Variants in EPHA6 observed in about 807,000 individuals in gnomAD.
EPHA6 encodes EPH receptor A6.
Under a neutral mutation model 112.0 loss-of-function variants are expected in EPHA6, and 50 were observed. The observed-to-expected ratio is 0.45, with a 90% confidence interval of 0.36 to 0.56. The LOEUF (loss-of-function observed/expected upper bound fraction) is 0.56. Ranked by LOEUF, EPHA6 falls within the 20% of genes least tolerant of loss-of-function variation. EPHA6 has a pLI of 0.00. For synonymous variants in EPHA6, 529 were observed against 490.7 expected, an observed-to-expected ratio of 1.08 and a Z score of -1.03; for missense variants, 1,280 against 1,417.4, an observed-to-expected ratio of 0.90 and a Z score of 1.56.
chr3:96,848,397 C>T (rs953517093), intron 1 of EPHA6, among the ~76,000 whole-genome samples: 6 of 151,908 alleles, frequency 3.9e-5, no homozygotes, highest in Non-Finnish European at 8.8e-5. Context: ...GAGGCTGAGG[C>T]GGGCGGATCA....
chr3:97,600,837 T>G (rs2093637557), intron 12 of EPHA6, among the ~76,000 whole-genome samples: 1 of 152,042 alleles, frequency 6.6e-6, no homozygotes, highest in Admixed American at 6.6e-5. Flanking sequence ...GCATTTGATA[T>G]CAAGCTCTTG....
intron 7 of EPHA6, among the ~76,000 whole-genome samples, chr3:97,474,914 A>C (rs72928289): frequency 0.19 from 28,809 of 151,980 alleles, 4,117 homozygotes; most frequent in African/African-American, 0.38. Context: ...ATCATTCTTA[A>C]AAGGAATTAT....
intron 3 of EPHA6, among the ~76,000 whole-genome samples, chr3:97,018,454 G>A (rs1166995230): frequency 6.6e-6 from 1 of 152,168 alleles, no homozygotes; most frequent in Non-Finnish European, 1.5e-5. Flanking sequence ...CAAAGGGGCA[G>A]GATAAGGAGA....
intron 14 of EPHA6, among the ~76,000 whole-genome samples, chr3:97,652,279 T>C (rs1177280456): frequency 2.6e-5 from 4 of 152,052 alleles, no homozygotes; most frequent in African/African-American, 9.7e-5. Flanking sequence ...AGCTTACTTA[T>C]TCCCAGTGTA....
intron 5 of EPHA6, among the ~76,000 whole-genome samples, chr3:97,378,041 T>C (rs2085471613): frequency 6.6e-6 from 1 of 152,212 alleles, no homozygotes. Flanking sequence ...CTCCAGGGCA[T>C]GTCAGAGACC....
intron 5 of EPHA6, among the ~76,000 whole-genome samples, chr3:97,258,914 AAC>A (rs1334085903): frequency 6.6e-6 from 1 of 152,174 alleles, no homozygotes; most frequent in Non-Finnish European, 1.5e-5. Flanking sequence ...ATAAGAAAAT[AAC>A]AGTTTATAAA....
At chr3:96,968,569 T>G (rs1051135570) in intron 2 of EPHA6, among the ~76,000 whole-genome samples, 1 of 151,814 alleles carries the variant, frequency 6.6e-6, no homozygotes, top group Non-Finnish European at 1.5e-5. Flanking sequence ...GTACTTACAA[T>G]GAACCTAAGT....
At chr3:96,932,900 C>T (rs1385121875) in intron 2 of EPHA6, among the ~76,000 whole-genome samples, 1 of 152,076 alleles carries the variant, frequency 6.6e-6, no homozygotes, top group Non-Finnish European at 1.5e-5. Flanking sequence ...ACATATGCTT[C>T]TCTATGTATG....
rs12633578 is a variant in EPHA6 at position 97,246,650 on chromosome 3, T to G, written c.1606+2363T>G. ...TTTGTTTTAGATATAAATATTAAAA[T>G]AATCAAAATATATTTATATTTTATT... is the stretch of plus-strand genomic sequence containing the variant. On this transcript the variant is annotated intron_variant, in intron 5 of 17. Transcript: ENST00000389672. 1.2e-4 allele frequency among the ~76,000 whole-genome samples: 18 copies of G among 151,742 alleles called. No homozygotes were observed. In the East Asian group the frequency reaches 3.1e-3, roughly 26 times the overall value.
intron 16 of EPHA6, among the ~76,000 whole-genome samples, chr3:97,737,902 C>T (rs927828896): frequency 9.9e-5 from 15 of 151,914 alleles, no homozygotes; most frequent in African/African-American, 3.6e-4. Context: ...AGAAGCCAGA[C>T]AAGTAATCAG....
At chr3:97,033,099 G>A (rs546458102) in intron 3 of EPHA6, among the ~76,000 whole-genome samples, 7 of 151,986 alleles carry the variant, frequency 4.6e-5, no homozygotes, top group Non-Finnish European at 5.9e-5. Flanking sequence ...TACCACAACC[G>A]AGGAATACAG....
chr3:96,981,970 G>T (rs530730479), intron 2 of EPHA6, among the ~76,000 whole-genome samples: 1 of 151,764 alleles, frequency 6.6e-6, no homozygotes, highest in Admixed American at 6.6e-5. Context: ...TCCTGCTAGC[G>T]GTCTATCAAT....
rs552348450 is a variant in EPHA6, at chr3:97,281,540, T to G, written c.1606+37253T>G. ...GAGTCTCTCACTGTGATTCCAATCATTTTTACACTAAACCACAGAAAATTG... is the reference window on the plus strand; with the variant it reads ...GAGTCTCTCACTGTGATTCCAATCAGTTTTACACTAAACCACAGAAAATTG... On this transcript the variant is annotated intron_variant, in intron 5 of 17. Transcript: ENST00000389672. Among the ~76,000 whole-genome samples, 15 of 152,222 alleles carry G rather than the reference T, an allele frequency of 9.9e-5. No individual in the cohort carries two copies. The South Asian group carries it at 3.1e-3, about 32-fold the overall frequency.
intron 11 of EPHA6, among the ~76,000 whole-genome samples, chr3:97,550,820 C>T (rs149696615): frequency 1.3e-5 from 2 of 150,688 alleles, no homozygotes; most frequent in East Asian, 3.9e-4. Flanking sequence ...TTGCTAAACA[C>T]ACATTAAGCA....
At chr3:97,698,722 T>C (rs1322392129) in intron 14 of EPHA6, among the ~76,000 whole-genome samples, 1 of 152,256 alleles carries the variant, frequency 6.6e-6, no homozygotes, top group African/African-American at 2.4e-5. Flanking sequence ...TTATCGGGCA[T>C]GTGGCCCTCG....
rs2033859776 is a variant in EPHA6, at chr3:97,709,579, T to G, written c.2785-10682T>G. On this transcript the variant is annotated intron_variant, in intron 14 of 17. Transcript: ENST00000389672. ...ATGAGTTACAACTTCGAGTGACTAT[T>G]GGGAAGGCATGGTTGCTTTTGAAAT... Among the ~76,000 whole-genome samples the G allele has an allele frequency of 5.3e-5, 8 of 152,222 alleles. No homozygotes were observed. In the South Asian group the frequency reaches 1.7e-3, roughly 32 times the overall value.
chr3:96,918,973 C>A (rs970608766), intron 2 of EPHA6, among the ~76,000 whole-genome samples: 5 of 151,866 alleles, frequency 3.3e-5, no homozygotes, highest in Non-Finnish European at 5.9e-5. Context: ...TTAGAAAGTT[C>A]ATTATTTTGA....
At chr3:97,329,129 C>G (rs1193830232) in intron 5 of EPHA6, among the ~76,000 whole-genome samples, 1 of 152,056 alleles carries the variant, frequency 6.6e-6, no homozygotes, top group Admixed American at 6.6e-5. Flanking sequence ...ATCCATGTCC[C>G]TACAAAGGAC....
chr3:96,962,864 G>C (rs1214593784), intron 2 of EPHA6, among the ~76,000 whole-genome samples: 1 of 151,962 alleles, frequency 6.6e-6, no homozygotes, highest in Non-Finnish European at 1.5e-5. Flanking sequence ...ATGAAAAGGA[G>C]GGAGCATTTC....
Sources: gnomAD v4.1 joint callset for allele counts (sites outside exome capture counted in the v4.1 genomes callset) on GRCh38, gnomAD v4.1.1 for gene constraint, MANE v1.5 for transcripts, NCBI Gene and HGNC (gene_info 2026-07-23, HGNC 2026-07-21) for gene names.